RABGAP1L: variants seen among roughly 807,000 people sequenced by gnomAD.
The protein encoded by RABGAP1L is rab GTPase-activating protein 1-like.
Under a neutral mutation model 137.7 loss-of-function variants are expected in RABGAP1L, and 63 were observed. The ratio of observed to expected loss-of-function variants is 0.46; its 90% CI spans 0.37 to 0.56. RABGAP1L has a LOEUF of 0.56. Among genes scored for constraint, RABGAP1L ranks in the 20% least tolerant of loss-of-function variants. The pLI is 0.00. For missense variants in RABGAP1L, 1,095 were observed against 1,244.0 expected, an observed-to-expected ratio of 0.88 and a Z score of 1.80; for synonymous variants, 431 against 433.7, an observed-to-expected ratio of 0.99 and a Z score of 0.08.
intron 11 of RABGAP1L, among the ~76,000 whole-genome samples, chr1:174,349,645 C>A (rs1682875803): frequency 2.2e-5 from 3 of 138,542 alleles, no homozygotes; most frequent in African/African-American, 5.3e-5. Flanking sequence ...CTGACCCCCC[C>A]ACCTCCCTCC....
At chr1:174,395,078 C>G (rs999263160) in intron 13 of RABGAP1L, among the ~76,000 whole-genome samples, 1 of 151,802 alleles carries the variant, frequency 6.6e-6, no homozygotes, top group Non-Finnish European at 1.5e-5. Context: ...AATAAGTACA[C>G]CAAAGGATAC....
intron 4 of RABGAP1L, among the ~76,000 whole-genome samples, chr1:174,240,682 G>A (rs535456384): frequency 1.3e-5 from 2 of 152,348 alleles, no homozygotes; most frequent in East Asian, 1.9e-4. Context: ...AAGGGCCTCA[G>A]TTGAACAATG....
At chr1:174,490,536 A>T (rs1203761329) in intron 13 of RABGAP1L, among the ~76,000 whole-genome samples, 1 of 152,122 alleles carries the variant, frequency 6.6e-6, no homozygotes, top group Non-Finnish European at 1.5e-5. Flanking sequence ...GAGCCAGCAT[A>T]GCATTTTGTC....
intron 13 of RABGAP1L, among the ~76,000 whole-genome samples, chr1:174,425,861 T>C (rs914429346): frequency 1.3e-5 from 2 of 152,036 alleles, no homozygotes; most frequent in Admixed American, 1.3e-4. Context: ...TTCCAAAACT[T>C]TTTAAACACC....
chr1:174,162,036 T>A (rs1032504785), intron 1 of RABGAP1L, among the ~76,000 whole-genome samples: 8 of 78,850 alleles, frequency 1.0e-4, no homozygotes, highest in African/African-American at 6.1e-4. Context: ...GCTTGTCCCA[T>A]TTTTTTTTTT....
intron 14 of RABGAP1L, among the ~76,000 whole-genome samples, chr1:174,666,303 A>G (rs1394533810): frequency 1.3e-5 from 2 of 152,240 alleles, no homozygotes; most frequent in Non-Finnish European, 2.9e-5. Flanking sequence ...AGTTTGTCTA[A>G]TAAATGGCAA....
In RABGAP1L at chr1:174,550,951, T is replaced by C. The variant is rs1180838391; in HGVS notation, c.1711-86424T>C. Among the ~76,000 whole-genome samples, 9 of 128,042 alleles carry C rather than the reference T, an allele frequency of 7.0e-5. 1 individual carries two copies. Among genetic ancestry groups the C allele is most frequent in the African/African-American group, 1.7e-4 (5 of 29,996 alleles). 84.0% of individuals were successfully genotyped at this position (128,042 alleles called of 152,430 possible). ...ATATATACACATATATATACACACA[T>C]ATATATACACATATATATACATGTA... On this transcript the variant is annotated intron_variant, in intron 13 of 25. Transcript: ENST00000681986.
intron 11 of RABGAP1L, among the ~76,000 whole-genome samples, chr1:174,328,139 T>G (rs1445761776): frequency 6.6e-6 from 1 of 150,914 alleles, no homozygotes; most frequent in Non-Finnish European, 1.5e-5. Flanking sequence ...GGACAGATCA[T>G]CCAGACAGAA....
chr1:174,619,326 A>T (rs1447010401), intron 13 of RABGAP1L, among the ~76,000 whole-genome samples: 1 of 152,218 alleles, frequency 6.6e-6, no homozygotes, highest in Non-Finnish European at 1.5e-5. Context: ...CAACTCTAAG[A>T]CACATAATTG....
chr1:174,445,584 G>C (rs560118030), intron 13 of RABGAP1L, among the ~76,000 whole-genome samples: 1 of 152,254 alleles, frequency 6.6e-6, no homozygotes, highest in Admixed American at 6.5e-5. Context: ...ATGGGGATTG[G>C]AGAGATTAGT....
intron 19 of RABGAP1L, among the ~76,000 whole-genome samples, chr1:174,951,463 A>T (rs925718195): frequency 1.4e-4 from 21 of 152,216 alleles, no homozygotes; most frequent in Non-Finnish European, 2.8e-4. Context: ...AAATTTTTTG[A>T]CTTGAAGGAA....
chr1:174,494,836 A>G (rs756769390), intron 13 of RABGAP1L, among the ~76,000 whole-genome samples: 1 of 152,150 alleles, frequency 6.6e-6, no homozygotes, highest in Non-Finnish European at 1.5e-5. Flanking sequence ...CATAGCCAGG[A>G]AAAAGGGGAG....
At chr1:174,479,779 A>G (rs899675212) in intron 13 of RABGAP1L, among the ~76,000 whole-genome samples, 5 of 152,232 alleles carry the variant, frequency 3.3e-5, no homozygotes, top group African/African-American at 9.6e-5. Context: ...TTAACCCTAG[A>G]GGAGTCTTAA....
chr1:174,906,947 C>A (rs1389596065), intron 19 of RABGAP1L, among the ~76,000 whole-genome samples: 6 of 151,808 alleles, frequency 4.0e-5, no homozygotes, highest in Admixed American at 3.9e-4. Flanking sequence ...GAAAAACTAT[C>A]CTTCACATAT....
At chr1:174,621,832 C>T (rs1213554249) in intron 13 of RABGAP1L, among the ~76,000 whole-genome samples, 1 of 152,146 alleles carries the variant, frequency 6.6e-6, no homozygotes, top group Non-Finnish European at 1.5e-5. Flanking sequence ...GTAATGGCAA[C>T]AAAAGCCAGA....
chr1:174,752,249 G>A, intron 17 of RABGAP1L, 64 bp from the exon 18 acceptor site: 1 of 1,159,616 alleles, frequency 8.6e-7, no homozygotes, highest in South Asian at 1.4e-5. Flanking sequence ...TGGAAGTCTT[G>A]GGGAAATAAT....
At chr1:174,790,345 C>T (rs567320885) in intron 18 of RABGAP1L, among the ~76,000 whole-genome samples, 24 of 152,232 alleles carry the variant, frequency 1.6e-4, no homozygotes, top group East Asian at 3.9e-4. Context: ...GCCTCTGGGC[C>T]GGGCACGGTG....
chr1:174,596,596 C>T (rs1296710038), intron 13 of RABGAP1L, among the ~76,000 whole-genome samples: 1 of 152,214 alleles, frequency 6.6e-6, no homozygotes, highest in South Asian at 2.1e-4. Flanking sequence ...ATTTACTTCT[C>T]AGTTCTAATA....
intron 1 of RABGAP1L, among the ~76,000 whole-genome samples, chr1:174,178,999 CAAACAAAAACA>C (rs1046244993): frequency 3.9e-5 from 6 of 152,146 alleles, no homozygotes; most frequent in African/African-American, 1.4e-4. Context: ...GAAAGTAAAA[CAAACAAAAACA>C]AAACAAAACA....
Sources: allele counts gnomAD v4.1 joint callset (sites outside exome capture counted in the v4.1 genomes callset), GRCh38; gene constraint gnomAD v4.1.1; transcripts MANE v1.5; gene names NCBI Gene and HGNC (gene_info 2026-07-23, HGNC 2026-07-21).